Variants in RAB3C observed in about 807,000 individuals in gnomAD.
The protein encoded by RAB3C is ras-related protein Rab-3C.
Under a neutral mutation model 26.4 loss-of-function variants are expected in RAB3C, and 17 were observed. The ratio of observed to expected loss-of-function variants is 0.64; its 90% confidence interval spans 0.44 to 0.97. RAB3C has a LOEUF of 0.97. Ranked by LOEUF, RAB3C falls within the 50% of genes least tolerant of loss-of-function variation. RAB3C has a pLI of 0.00. For synonymous variants in RAB3C, 91 were observed against 95.9 expected (o/e 0.95, Z 0.30); for missense variants, 242 against 281.9 (o/e 0.86, Z 1.01).
chr5:58,798,949 G>A (rs1742740031), intron 3 of RAB3C, among the ~76,000 whole-genome samples: 1 of 152,150 alleles, frequency 6.6e-6, no homozygotes, highest in Non-Finnish European at 1.5e-5. Context: ...AAAAAGTTCG[G>A]GAGGAGTCTA....
chr5:58,617,976 C>T, intron 2 of RAB3C, 106 bp downstream of exon 2: 1 of 678,260 alleles, frequency 1.5e-6, no homozygotes. Context: ...CATCCACAAG[C>T]CTCAATTTCC....
chr5:58,676,070 A>C (rs1748219260), intron 2 of RAB3C, among the ~76,000 whole-genome samples: 1 of 152,106 alleles, frequency 6.6e-6, no homozygotes, highest in African/African-American at 2.4e-5. Flanking sequence ...TTCGAAGAAA[A>C]AGTCCCTGTA....
intron 2 of RAB3C, among the ~76,000 whole-genome samples, chr5:58,695,798 G>A (rs1171244371): frequency 6.6e-6 from 1 of 152,152 alleles, no homozygotes; most frequent in African/African-American, 2.4e-5. Flanking sequence ...TGCTGAAGTT[G>A]CTTATCAGCT....
At chr5:58,773,791 C>T (rs556452879) in intron 3 of RAB3C, among the ~76,000 whole-genome samples, 70 of 152,212 alleles carry the variant, frequency 4.6e-4, no homozygotes, top group African/African-American at 1.5e-3. Flanking sequence ...AGTCCCCCTA[C>T]AACATCCTCT....
rs540513727 is a variant in RAB3C, at chr5:58,751,100, C to T, written c.371+24980C>T. On this transcript the variant is annotated intron_variant, in intron 3 of 4. Transcript: ENST00000282878. Reference sequence around the variant, plus strand: ...AACTCCAGGCCTCAAGTGATCCACTCGGCTCAGCCTCCCAAAGTGCTGGGA... The same window carrying T: ...AACTCCAGGCCTCAAGTGATCCACTTGGCTCAGCCTCCCAAAGTGCTGGGA... Among the ~76,000 whole-genome samples the T allele has an allele frequency of 1.6e-3, 240 of 152,262 alleles. 1 individual carries two copies. Among genetic ancestry groups the T allele is most frequent in the Middle Eastern group, 0.01 (3 of 294 alleles).
chr5:58,718,003 T>A (rs1361738820), intron 2 of RAB3C, among the ~76,000 whole-genome samples: 1 of 152,106 alleles, frequency 6.6e-6, no homozygotes, highest in African/African-American at 2.4e-5. Context: ...AAGCCTGTTA[T>A]CCTTTAAAAC....
At chr5:58,797,723 AT>A (rs1224455777) in intron 3 of RAB3C, among the ~76,000 whole-genome samples, 1 of 152,080 alleles carries the variant, frequency 6.6e-6, no homozygotes, top group Non-Finnish European at 1.5e-5. Flanking sequence ...GTCTTGAAGT[AT>A]CATTTAGAGC....
intron 2 of RAB3C, among the ~76,000 whole-genome samples, chr5:58,701,581 T>A (rs766127584): frequency 3.3e-5 from 5 of 152,150 alleles, no homozygotes; most frequent in Non-Finnish European, 5.9e-5. Context: ...AAATGTATTA[T>A]CTTACAGTTC....
intron 1 of RAB3C, among the ~76,000 whole-genome samples, chr5:58,586,151 A>G (rs1248294876): frequency 2.6e-5 from 4 of 152,052 alleles, no homozygotes; most frequent in Admixed American, 1.3e-4. Flanking sequence ...TTATATGTAT[A>G]TATACTATAT....
intron 3 of RAB3C, among the ~76,000 whole-genome samples, chr5:58,765,890 G>C (rs1312106126): frequency 6.6e-6 from 1 of 152,138 alleles, no homozygotes; most frequent in Non-Finnish European, 1.5e-5. Context: ...GTTCTCATGA[G>C]AGCGAGTGAG....
intron 3 of RAB3C, among the ~76,000 whole-genome samples, chr5:58,757,931 GTTGTT>G (rs111469253): frequency 1.3e-4 from 19 of 151,264 alleles, no homozygotes; most frequent in East Asian, 5.8e-4. Context: ...TGTTGTTGTT[GTTGTT>G]TTGTTTTGTT....
intron 4 of RAB3C, among the ~76,000 whole-genome samples, chr5:58,837,893 A>AATTC (rs999674474): frequency 3.3e-5 from 5 of 152,154 alleles, no homozygotes; most frequent in African/African-American, 9.7e-5. Context: ...TGTGTGCAGG[A>AATTC]ATTCATTCAT....
chr5:58,775,102 T>G (rs1742098944), intron 3 of RAB3C, among the ~76,000 whole-genome samples: 1 of 152,138 alleles, frequency 6.6e-6, no homozygotes, highest in South Asian at 2.1e-4. Flanking sequence ...AGGAAGTGAT[T>G]GCAATCATCT....
chr5:58,672,242 G>A (rs1040135248), intron 2 of RAB3C, among the ~76,000 whole-genome samples: 7 of 152,254 alleles, frequency 4.6e-5, no homozygotes, highest in South Asian at 4.1e-4. Context: ...CTGCAGAAAC[G>A]GCACACTAAG....
intron 2 of RAB3C, among the ~76,000 whole-genome samples, chr5:58,680,504 T>C (rs367798299): frequency 5.1e-4 from 77 of 152,316 alleles, no homozygotes; most frequent in African/African-American, 1.6e-3. Context: ...CCTACTAGTA[T>C]AACAAATCAC....
intron 2 of RAB3C, among the ~76,000 whole-genome samples, chr5:58,640,180 T>C (rs1747384613): frequency 6.6e-6 from 1 of 152,192 alleles, no homozygotes; most frequent in South Asian, 2.1e-4. Flanking sequence ...GAGCAGCCTC[T>C]CCTGGTTCCT....
chr5:58,788,645 A>G (rs1372583381), intron 3 of RAB3C, among the ~76,000 whole-genome samples: 1 of 152,216 alleles, frequency 6.6e-6, no homozygotes, highest in Non-Finnish European at 1.5e-5. Flanking sequence ...ATGCACTAAT[A>G]AAGTGTGTAG....
At chr5:58,747,150 A>G (rs1741418311) in intron 3 of RAB3C, among the ~76,000 whole-genome samples, 1 of 152,188 alleles carries the variant, frequency 6.6e-6, no homozygotes, top group Admixed American at 6.5e-5. Flanking sequence ...TCTCTTTTTA[A>G]TACAGTTTTT....
intron 1 of RAB3C, among the ~76,000 whole-genome samples, chr5:58,602,511 T>G (rs1306408816): frequency 6.6e-6 from 1 of 152,120 alleles, no homozygotes; most frequent in Non-Finnish European, 1.5e-5. Context: ...CTAATAATTG[T>G]TTTATAAATT....
Sources: gnomAD v4.1 joint callset for allele counts (sites outside exome capture counted in the v4.1 genomes callset) on GRCh38, gnomAD v4.1.1 for gene constraint, MANE v1.5 for transcripts, NCBI Gene and HGNC (gene_info 2026-07-23, HGNC 2026-07-21) for gene names.